TAX1BP3: variants seen among roughly 807,000 people sequenced by gnomAD.
The protein encoded by TAX1BP3 is tax1-binding protein 3.
A neutral mutation model predicts 15.3 loss-of-function variants in TAX1BP3; 13 were observed. The observed-to-expected ratio is 0.85, with a 90% CI of 0.55 to 1.35. The LOEUF (loss-of-function observed/expected upper bound fraction) is 1.35. Ranked by LOEUF, TAX1BP3 falls within the 40% of genes most tolerant of loss-of-function variation. The pLI, the probability that TAX1BP3 is intolerant of heterozygous loss-of-function variation, is 0.00. For synonymous variants in TAX1BP3, 70 were observed against 66.0 expected (o/e 1.06, Z -0.30); for missense variants, 147 against 169.6 (o/e 0.87, Z 0.74).
intron 2 of TAX1BP3, 102 bp from the exon 3 acceptor site, chr17:3,664,374 T>C (rs2076315250): frequency 2.9e-6 from 4 of 1,366,688 alleles, no homozygotes; most frequent in East Asian, 2.4e-5. Context: ...CCTCTGTCCC[T>C]GCACCCAGCC....
chr17:3,664,173 C>T, intron 3 of TAX1BP3, 22 bp downstream of exon 3: 1 of 1,614,032 alleles, frequency 6.2e-7, no homozygotes. Flanking sequence ...CCTTGTTTCT[C>T]CTCCTTTGGG....
rs1165316402 is a variant in TAX1BP3 at position 3,668,102 on chromosome 17, G to A, written c.39+386C>T. 6.6e-6 allele frequency among the ~76,000 whole-genome samples: 1 copy of A among 152,254 alleles called. No homozygotes were observed. Among genetic ancestry groups the A allele is most frequent in the East Asian group, 1.9e-4 (1 of 5,196 alleles). On this transcript the variant is annotated intron_variant, in intron 1 of 3. Coordinates refer to ENST00000225525, the MANE Select transcript of TAX1BP3 (RefSeq NM_014604.4). This position sits in a 1 kb window ranked among gnomAD's most constrained non-coding sequence, Gnocchi z 4.1. ...GGCGGCGCAGGCTGCAGCGGAGGAA[G>A]CATTTCCTCATTCCAGAGGCTGCGA...
In TAX1BP3 at chr17:3,664,743, C is replaced by A; in HGVS notation, c.95G>T (p.Ser32Ile). The A allele has an allele frequency of 6.2e-7, 1 of 1,613,904 alleles. No individual in the cohort carries two copies. Among genetic ancestry groups the A allele is most frequent in the Non-Finnish European group, 8.5e-7 (1 of 1,179,934 alleles). Residue 32 changes from serine to isoleucine, a missense_variant, in exon 2 of 4, where the codon AGC becomes ATC. Physicochemically the swap from Ser to Ile is moderately radical, Grantham distance 142 (BLOSUM62 -2). Coordinates refer to ENST00000225525, the MANE Select transcript of TAX1BP3 (RefSeq NM_014604.4). ...RQGENLILGF[S>I]IGGGIDQDPS... is the part of the protein sequence containing the mutation. ...ATCCTGGTCGATTCCACCTCCAATG[C>A]TGAAACCCAGGATTAAGTTCTCACC...
rs2076324828 is a variant in TAX1BP3 at position 3,665,113 on chromosome 17, C to T, written c.40-315G>A. The T allele has an allele frequency of 2.2e-5, 16 of 722,968 alleles. No individual in the cohort carries two copies. In the South Asian group the frequency reaches 2.4e-4, roughly 11 times the overall value. The allele number at this position is 722,968 out of a possible 1,614,324, so 44.8% of individuals were successfully genotyped here. ...GCTGTGGCTTCTGTAGGTGGGAAGCCCGTCTCACAGGAGGTGCTCTGGAAA... is the reference window on the plus strand; with the variant it reads ...GCTGTGGCTTCTGTAGGTGGGAAGCTCGTCTCACAGGAGGTGCTCTGGAAA... On this transcript the variant is annotated intron_variant, in intron 1 of 3. Transcript: ENST00000225525.
rs1344216114 is a variant in TAX1BP3 at position 3,668,265 on chromosome 17, G to A, written c.39+223C>T. ...CCTCCCCGCCCTGCGCACGCAGTCT[G>A]GGCTCTGTCCAGGGTCTCGGGAGGC... On this transcript the variant is annotated intron_variant, in intron 1 of 3. Coordinates refer to ENST00000225525, the MANE Select transcript of TAX1BP3 (RefSeq NM_014604.4). This position sits in a 1 kb window ranked among gnomAD's most constrained non-coding sequence, Gnocchi z 4.1. 2.0e-5 allele frequency among the ~76,000 whole-genome samples: 3 copies of A among 152,170 alleles called. No individual in the cohort carries two copies. Among genetic ancestry groups the A allele is most frequent in the Non-Finnish European group, 4.4e-5 (3 of 68,028 alleles).
At position 3,668,407 on chromosome 17, in the gene TAX1BP3, A is replaced by G; in HGVS notation, c.39+81T>C. On this transcript the variant is annotated intron_variant, in intron 1 of 3. Transcript: ENST00000225525. The surrounding 1 kb of genome is among the most constrained non-coding windows in gnomAD (Gnocchi z 4.1). ...GGAGCCCCGGGTTCGATGCTCTGTCAACCTGCTTGGGGTGTCCGTTTCCCG... is the reference window on the plus strand; with the variant it reads ...GGAGCCCCGGGTTCGATGCTCTGTCGACCTGCTTGGGGTGTCCGTTTCCCG... 7 of 1,539,688 alleles carry G rather than the reference A, an allele frequency of 4.5e-6. No homozygotes were observed. Among genetic ancestry groups the G allele is most frequent in the Non-Finnish European group, 5.3e-6 (6 of 1,138,050 alleles).
In TAX1BP3 at chr17:3,664,187, C is replaced by T. The variant is rs758891611; in HGVS notation, c.237+8G>A. On this transcript the variant is annotated splice_region_variant and intron_variant, in intron 3 of 3. Coordinates refer to ENST00000225525, the MANE Select transcript of TAX1BP3 (RefSeq NM_014604.4). ...ACCTTGTTTCTCCTCCTTTGGGACA[C>T]CTGTTACCTGCATGATCTTGTCTCC... 8 of 1,614,134 alleles carry T rather than the reference C, an allele frequency of 5.0e-6. No individual in the cohort carries two copies. The highest frequency in any genetic ancestry group is 4.5e-5 in the East Asian group (2 of 44,884).
chr17:3,663,973 A>C, intron 3 of TAX1BP3, 88 bp from the exon 4 acceptor site: 1 of 1,532,890 alleles, frequency 6.5e-7, no homozygotes, highest in Non-Finnish European at 8.8e-7. Context: ...AGGTCATTCA[A>C]GTAGGCCCCC....
intron 1 of TAX1BP3, among the ~76,000 whole-genome samples, chr17:3,667,377 G>C (rs1163660670): frequency 6.6e-6 from 1 of 151,562 alleles, no homozygotes; most frequent in Non-Finnish European, 1.5e-5. Context: ...GCTGGTGCAG[G>C]GAGGGTGAAG....
intron 1 of TAX1BP3, among the ~76,000 whole-genome samples, chr17:3,666,190 C>T (rs749144455): frequency 1.3e-5 from 2 of 152,172 alleles, no homozygotes; most frequent in Non-Finnish European, 2.9e-5. Context: ...AAAGAAGTTT[C>T]CCAAAGGGAG....
At chr17:3,664,389 C>T in intron 2 of TAX1BP3, 117 bp from the exon 3 acceptor site, 1 of 1,233,246 alleles carries the variant, frequency 8.1e-7, no homozygotes, top group Admixed American at 1.9e-5. Context: ...CCAGCCTCTC[C>T]CAGCACATAT....
Position 3,665,480 on chromosome 17 carries a change from G to A in TAX1BP3, c.40-682C>T, listed in dbSNP as rs1392682916. 14 of 1,374,756 alleles carry A rather than the reference G, an allele frequency of 1.0e-5. No individual in the cohort carries two copies. In the Admixed American group the frequency reaches 2.3e-4, roughly 23 times the overall value. 85.2% of individuals were successfully genotyped at this position (1,374,756 alleles called of 1,614,324 possible). A position where few individuals can be genotyped will look rare whatever the true frequency, so the allele number is the denominator to read the frequency against. ...AAGTTAAGGGCAAGATTCTTGCCAAGAGAATTAATGTGCGTATTGAGCACA... is the reference window on the plus strand; with the variant it reads ...AAGTTAAGGGCAAGATTCTTGCCAAAAGAATTAATGTGCGTATTGAGCACA... On this transcript the variant is annotated intron_variant, in intron 1 of 3. Coordinates refer to ENST00000225525, the MANE Select transcript of TAX1BP3 (RefSeq NM_014604.4).
rs1567721273 is a variant in TAX1BP3, at chr17:3,664,279, A to G, written c.160-7T>C. On this transcript the variant is annotated splice_region_variant and splice_polypyrimidine_tract_variant and intron_variant, in intron 2 of 3. Transcript: ENST00000225525. Reference sequence around the variant, plus strand: ...CCCGTGTGACATAAATACCCTGGAAAGGGGCAGCCCAAGTCAAGCCCTGTG... The same window carrying G: ...CCCGTGTGACATAAATACCCTGGAAGGGGGCAGCCCAAGTCAAGCCCTGTG... 6.2e-7 allele frequency: 1 copy of G among 1,613,950 alleles called. No homozygotes were observed. The highest frequency in any genetic ancestry group is 1.7e-5 in the Admixed American group (1 of 60,024).
In TAX1BP3 at chr17:3,663,900, G is replaced by A. The variant is rs2076309628; in HGVS notation, c.238-15C>T. The A allele has an allele frequency of 6.2e-7, 1 of 1,601,780 alleles. No individual in the cohort carries two copies. Among genetic ancestry groups the A allele is most frequent in the Non-Finnish European group, 8.5e-7 (1 of 1,176,610 alleles). ...CAGCCGTTCACCTGGCCCCAGGAGAGAACACAGGCTCACCTCAGCTCCCCG... is the reference window on the plus strand; with the variant it reads ...CAGCCGTTCACCTGGCCCCAGGAGAAAACACAGGCTCACCTCAGCTCCCCG... On this transcript the variant is annotated splice_polypyrimidine_tract_variant and intron_variant, in intron 3 of 3. Coordinates refer to ENST00000225525, the MANE Select transcript of TAX1BP3 (RefSeq NM_014604.4).
chr17:3,668,560 G>A lies in TAX1BP3; in HGVS notation c.-34C>T, dbSNP rs2076367752. On this transcript the variant is annotated 5_prime_UTR_variant, in exon 1 of 4. Coordinates refer to ENST00000225525, the MANE Select transcript of TAX1BP3 (RefSeq NM_014604.4). The surrounding 1 kb of genome is among the most constrained non-coding windows in gnomAD (Gnocchi z 4.1). ...TGCTCTGGTCGCCCAGCGCCGCTCCGAGAAGCCGGCAGCAGAGTACCCGCG... is the reference window on the plus strand; with the variant it reads ...TGCTCTGGTCGCCCAGCGCCGCTCCAAGAAGCCGGCAGCAGAGTACCCGCG... The A allele has an allele frequency of 6.3e-7, 1 of 1,585,182 alleles. No homozygotes were observed. Among genetic ancestry groups the A allele is most frequent in the South Asian group, 1.1e-5 (1 of 87,514 alleles).
At chr17:3,666,020 TG>T (rs2076337514) in intron 1 of TAX1BP3, among the ~76,000 whole-genome samples, 1 of 152,228 alleles carries the variant, frequency 6.6e-6, no homozygotes, top group Non-Finnish European at 1.5e-5. Flanking sequence ...CACCATGCTC[TG>T]GGGCTATGGT....
chr17:3,665,176 G>A (rs1339158234), intron 1 of TAX1BP3: 115 of 914,030 alleles, frequency 1.3e-4, no homozygotes, highest in Non-Finnish European at 9.0e-6. Context: ...AGAGGAAGGG[G>A]TTTCCTTTCG....
Position 3,665,314 on chromosome 17 carries a change from G to A in TAX1BP3, c.40-516C>T, listed in dbSNP as rs552515092. 25 of 1,254,306 alleles carry A rather than the reference G, an allele frequency of 2.0e-5. No homozygotes were observed. The Admixed American group carries it at 2.2e-4, about 11-fold the overall frequency. The allele number at this position is 1,254,306 out of a possible 1,614,324, so 77.7% of individuals were successfully genotyped here. A position where few individuals can be genotyped will look rare whatever the true frequency, so the allele number is the denominator to read the frequency against. On this transcript the variant is annotated intron_variant, in intron 1 of 3. Coordinates refer to ENST00000225525, the MANE Select transcript of TAX1BP3 (RefSeq NM_014604.4). ...GATGTTCCTTTGGCCACATATATGC[G>A]AATCTATAAGAAAGGTGATACTGTA...
intron 1 of TAX1BP3, chr17:3,665,763 AAAGAAAG>A: frequency 1.6e-6 from 1 of 614,780 alleles, no homozygotes; most frequent in Non-Finnish European, 2.9e-6. Context: ...AAAAAAAAAA[AAAGAAAG>A]GAGAGGAAGG....
Sources: allele counts gnomAD v4.1 joint callset (sites outside exome capture counted in the v4.1 genomes callset), GRCh38; gene constraint gnomAD v4.1.1; non-coding constraint Gnocchi (gnomAD v3.1); transcripts MANE v1.5; gene names NCBI Gene and HGNC (gene_info 2026-07-23, HGNC 2026-07-21).